Variants in BIN1 observed in about 807,000 individuals in gnomAD.
The protein encoded by BIN1 is myc box-dependent-interacting protein 1.
Under a neutral mutation model 82.0 loss-of-function variants are expected in BIN1, and 53 were observed. That is an observed-to-expected ratio of 0.65 (90% confidence interval 0.52 to 0.81). The LOEUF (loss-of-function observed/expected upper bound fraction) is 0.81, where lower values mean the gene tolerates loss of function less well. Ranked by LOEUF, BIN1 falls within the 40% of genes least tolerant of loss-of-function variation. The probability of loss-of-function intolerance (pLI) is 0.00; values close to 1 mark genes in which losing one functional copy is unlikely to be tolerated. For missense variants in BIN1, 642 were observed against 784.4 expected, an observed-to-expected ratio of 0.82 and a Z score of 2.17; for synonymous variants, 302 against 328.0, an observed-to-expected ratio of 0.92 and a Z score of 0.86.
intron 2 of BIN1, among the ~76,000 whole-genome samples, chr2:127,072,135 T>C (rs1472813748): frequency 1.3e-5 from 2 of 152,228 alleles, no homozygotes; most frequent in African/African-American, 4.8e-5. Context: ...CGCTCCAGTC[T>C]GGCCAGCTTC....
In BIN1 at chr2:127,052,325, T is replaced by C. The variant is rs1683067340; in HGVS notation, c.1301A>G (p.Glu434Gly). The change falls in exon 15 of 19, where the codon GAG (glutamate) becomes GGG (glycine). Residue 434 changes from glutamate (E) to glycine (G), a missense_variant. Glu to Gly is a moderately conservative substitution (Grantham distance 98, BLOSUM62 -2). Coordinates refer to ENST00000316724, the MANE Select transcript of BIN1 (RefSeq NM_139343.3). ...AAAGGTGCCCTCGGCAGCGCTGGGC[T>C]CCCCGGAAGGCAGGCTGCCGGCTGG... is the stretch of plus-strand genomic sequence containing the variant. ...ESPAGSLPSG[E>G]PSAAEGTFAV... The C allele has an allele frequency of 6.3e-7, 1 of 1,587,330 alleles. No homozygotes were observed. Among genetic ancestry groups the C allele is most frequent in the Non-Finnish European group, 8.6e-7 (1 of 1,167,540 alleles).
intron 7 of BIN1, chr2:127,064,975 C>T (rs1413392917): frequency 6.6e-6 from 1 of 152,286 alleles, no homozygotes; most frequent in Non-Finnish European, 1.5e-5. Context: ...TGTCAGGCCC[C>T]GCCTAGGGAA....
At chr2:127,075,143 C>A (rs1686422163) in intron 2 of BIN1, among the ~76,000 whole-genome samples, 1 of 152,236 alleles carries the variant, frequency 6.6e-6, no homozygotes, top group African/African-American at 2.4e-5. Flanking sequence ...GGATTTCAAT[C>A]CCCAACACCC....
In BIN1 at chr2:127,055,250, G is replaced by A. The variant is rs183678375; in HGVS notation, c.1132-1238C>T. The A allele has an allele frequency of 2.3e-3, 345 of 152,448 alleles. 1 individual carries two copies. The highest frequency in any genetic ancestry group is 5.1e-3 in the Admixed American group (78 of 15,310). 9.4% of individuals were successfully genotyped at this position (152,448 alleles called of 1,614,324 possible). A position where few individuals can be genotyped will look rare whatever the true frequency, so the allele number is the denominator to read the frequency against. On this transcript the variant is annotated intron_variant, in intron 12 of 18. Coordinates refer to ENST00000316724, the MANE Select transcript of BIN1 (RefSeq NM_139343.3). Reference sequence around the variant, plus strand: ...CGGGCTCCCCAGAGGCACCTCCATAGCTGAGCCGAGGGCCCATTGGGAGAG... The same window carrying A: ...CGGGCTCCCCAGAGGCACCTCCATAACTGAGCCGAGGGCCCATTGGGAGAG...
chr2:127,060,498 A>G, intron 10 of BIN1: 1 of 1,550,894 alleles, frequency 6.4e-7, no homozygotes, highest in Non-Finnish European at 8.9e-7. Context: ...GAGCCAGATT[A>G]CGGGTTAGTG....
At chr2:127,101,179 T>G (rs575211226) in intron 1 of BIN1, among the ~76,000 whole-genome samples, 1 of 152,248 alleles carries the variant, frequency 6.6e-6, no homozygotes, top group African/African-American at 2.4e-5. Context: ...CAGGTACCCC[T>G]GCCCACCTGC....
chr2:127,080,915 G>C (rs1386467562), intron 1 of BIN1, among the ~76,000 whole-genome samples: 1 of 152,246 alleles, frequency 6.6e-6, no homozygotes, highest in Non-Finnish European at 1.5e-5. Flanking sequence ...AGAAAGGCTG[G>C]GTGGTTCACT....
In BIN1 at chr2:127,068,882, A is replaced by T. The variant is rs375202461; in HGVS notation, c.519+42T>A. 6.4e-7 allele frequency: 1 copy of T among 1,568,642 alleles called. No individual in the cohort carries two copies. Among genetic ancestry groups the T allele is most frequent in the South Asian group, 1.1e-5 (1 of 90,198 alleles). ...GGGTCCTAGACACCCGCCCTCTCTCAGCCCCCTGCAGACGCTGCCCCGACC... is the reference window on the plus strand; with the variant it reads ...GGGTCCTAGACACCCGCCCTCTCTCTGCCCCCTGCAGACGCTGCCCCGACC... On this transcript the variant is annotated intron_variant, in intron 6 of 18. Transcript: ENST00000316724. This position sits in a 1 kb window ranked among gnomAD's most constrained non-coding sequence, Gnocchi z 4.9.
At chr2:127,094,147 G>A (rs1429875988) in intron 1 of BIN1, among the ~76,000 whole-genome samples, 1 of 152,192 alleles carries the variant, frequency 6.6e-6, no homozygotes, top group Admixed American at 6.5e-5. Context: ...CCTCACAAAA[G>A]GGGACACTGA....
chr2:127,070,091 C>A lies in BIN1; in HGVS notation c.316-1G>T. ...AATCCATCCACAGCAGGTCGTTGTT[C>A]TGAGACAGGCAAGAGCACGACAGTG... is the stretch of plus-strand genomic sequence containing the variant. On this transcript the variant is annotated splice_acceptor_variant, in intron 4 of 18. Transcript: ENST00000316724. LOFTEE classifies it high-confidence loss of function. 6.2e-7 allele frequency: 1 copy of A among 1,613,764 alleles called. No homozygotes were observed. The highest frequency in any genetic ancestry group is 1.1e-5 in the South Asian group (1 of 91,006).
chr2:127,099,412 C>T (rs1233995644), intron 1 of BIN1, among the ~76,000 whole-genome samples: 2 of 152,090 alleles, frequency 1.3e-5, no homozygotes, highest in Non-Finnish European at 2.9e-5. Flanking sequence ...CTTTCCCCCC[C>T]AGGAACATTA....
At position 127,060,485 on chromosome 2, in the gene BIN1, A is replaced by G. The variant is rs1684294748; in HGVS notation, c.858-1330T>C. 7 of 1,517,506 alleles carry G rather than the reference A, an allele frequency of 4.6e-6. No homozygotes were observed. The East Asian group carries it at 1.6e-4, about 34-fold the overall frequency. 94.0% of individuals were successfully genotyped at this position (1,517,506 alleles called of 1,614,324 possible). ...ACAGCCCTGCCGGGCAGCACTGCAC[A>G]CAGAGCCAGATTACGGGTTAGTGGC... On this transcript the variant is annotated intron_variant, in intron 10 of 18. Coordinates refer to ENST00000316724, the MANE Select transcript of BIN1 (RefSeq NM_139343.3).
At chr2:127,085,928 TC>T in intron 1 of BIN1, among the ~76,000 whole-genome samples, 1 of 152,276 alleles carries the variant, frequency 6.6e-6, no homozygotes, top group East Asian at 1.9e-4. Context: ...AGCTCTCACT[TC>T]AGAGGGGACT....
At chr2:127,094,527 C>G (rs1679337031) in intron 1 of BIN1, among the ~76,000 whole-genome samples, 1 of 139,858 alleles carries the variant, frequency 7.2e-6, no homozygotes, top group African/African-American at 2.6e-5. Context: ...AGCCAGGAGG[C>G]CAGTGCAACC....
At chr2:127,100,182 T>G (rs1249002197) in intron 1 of BIN1, among the ~76,000 whole-genome samples, 2 of 152,232 alleles carry the variant, frequency 1.3e-5, no homozygotes, top group African/African-American at 4.8e-5. Context: ...CAGGGTCCTG[T>G]CTGTCCTCAT....
chr2:127,074,208 C>T (rs1420998875), intron 2 of BIN1, among the ~76,000 whole-genome samples: 1 of 152,148 alleles, frequency 6.6e-6, no homozygotes, highest in African/African-American at 2.4e-5. Context: ...TTCCCAGGGC[C>T]CCCAAGCCCA....
rs149688115 is a variant in BIN1, at chr2:127,086,158, T to C, written c.85-9452A>G. ...ATGACCGTTGGTCCTATTTTACAGA[T>C]GAAGAAATCGAGGGTCAGGGCGGTC... On this transcript the variant is annotated intron_variant, in intron 1 of 18. Transcript: ENST00000316724. Among the ~76,000 whole-genome samples the C allele has an allele frequency of 2.8e-3, 423 of 152,260 alleles. 3 individuals carry two copies. The highest frequency in any genetic ancestry group is 4.8e-3 in the Non-Finnish European group (327 of 68,010).
intron 18 of BIN1, 99 bp from the exon 19 acceptor site, chr2:127,048,732 C>G (rs1180605881): frequency 1.4e-5 from 16 of 1,166,454 alleles, no homozygotes; most frequent in South Asian, 2.5e-5. Flanking sequence ...GGCCCCTCCT[C>G]CTGCTGTTGG....
chr2:127,083,018 AC>A (rs939578054), intron 1 of BIN1, among the ~76,000 whole-genome samples: 1 of 149,552 alleles, frequency 6.7e-6, no homozygotes, highest in African/African-American at 2.5e-5. Flanking sequence ...ACTATCATCT[AC>A]CCTTCACCCA....
Sources: allele counts gnomAD v4.1 joint callset (sites outside exome capture counted in the v4.1 genomes callset), GRCh38; gene constraint gnomAD v4.1.1; non-coding constraint Gnocchi (gnomAD v3.1); transcripts MANE v1.5; gene names NCBI Gene and HGNC (gene_info 2026-07-23, HGNC 2026-07-21).